GFI1: variants seen among roughly 807,000 people sequenced by gnomAD.
The protein encoded by GFI1 is growth factor independent 1 transcriptional repressor.
In GFI1, 15 loss-of-function variants were observed where a neutral mutation model predicts 39.2. The ratio of observed to expected loss-of-function variants is 0.38; its 90% CI spans 0.26 to 0.59. The LOEUF (loss-of-function observed/expected upper bound fraction) is 0.59. GFI1 is among the 20% of genes least tolerant of loss of function. GFI1 has a pLI of 0.62. For synonymous variants in GFI1, 239 were observed against 254.3 expected (o/e 0.94, Z 0.57); for missense variants, 475 against 574.0 (o/e 0.83, Z 1.76).
In GFI1 at chr1:92,483,719, G is replaced by C. The variant is rs558771685; in HGVS notation, c.-99-133C>G. On this transcript the variant is annotated intron_variant, in intron 1 of 6. Transcript: ENST00000294702. ...CCCACGGGAGGAGGGGCTTGACCCT[G>C]CTGCGCCGCGCTTACCAGGTGGCAC... is the stretch of plus-strand genomic sequence containing the variant. 6.7e-4 allele frequency: 371 copies of C among 552,248 alleles called. 1 individual carries two copies. The highest frequency in any genetic ancestry group is 1.1e-3 in the Non-Finnish European group (329 of 305,736). 34.2% of individuals were successfully genotyped at this position (552,248 alleles called of 1,614,324 possible). A position where few individuals can be genotyped will look rare whatever the true frequency, so the allele number is the denominator to read the frequency against.
At chr1:92,479,735 C>A (rs757480076) in intron 5 of GFI1, among the ~76,000 whole-genome samples, 3 of 152,152 alleles carry the variant, frequency 2.0e-5, no homozygotes, top group Non-Finnish European at 2.9e-5. Flanking sequence ...CGCCTGTAAT[C>A]CCAGCTACTT....
rs1404843455 is a variant in GFI1 at position 92,474,884 on chromosome 1, C to T, written c.*1145G>A. The T allele has an allele frequency of 1.3e-5, 2 of 152,544 alleles. No individual in the cohort carries two copies. Among genetic ancestry groups the T allele is most frequent in the South Asian group, 2.1e-4 (1 of 4,824 alleles). The allele number at this position is 152,544 out of a possible 1,614,324, so 9.4% of individuals were successfully genotyped here. On this transcript the variant is annotated 3_prime_UTR_variant, in exon 7 of 7. Coordinates refer to ENST00000294702, the MANE Select transcript of GFI1 (RefSeq NM_005263.5). ...TCATCAAAGTGAAAATACCACCTTT[C>T]CCCCCTCTATGGTACACATGGAGGG...
At chr1:92,483,326 T>C (rs1658369797) in intron 2 of GFI1, 47 bp downstream of exon 2, 2 of 1,040,664 alleles carry the variant, frequency 1.9e-6, no homozygotes, top group Non-Finnish European at 3.0e-6. Flanking sequence ...CGAGGTGCAG[T>C]AGGCATCCGG....
intron 1 of GFI1, among the ~76,000 whole-genome samples, chr1:92,485,832 T>A (rs1010548689): frequency 4.6e-5 from 7 of 152,240 alleles, no homozygotes; most frequent in African/African-American, 1.7e-4. Context: ...AGATTTCCAG[T>A]CACACTGCGC....
Position 92,474,261 on chromosome 1 carries a change from A to G in GFI1, c.*1768T>C, listed in dbSNP as rs1372479365. Among the ~76,000 whole-genome samples the G allele has an allele frequency of 6.6e-6, 1 of 152,232 alleles. No individual in the cohort carries two copies. Among genetic ancestry groups the G allele is most frequent in the Non-Finnish European group, 1.5e-5 (1 of 68,042 alleles). On this transcript the variant is annotated 3_prime_UTR_variant, in exon 7 of 7. Transcript: ENST00000294702. Reference sequence around the variant, plus strand: ...CAGTCTCCACAGAATCAAAGCGGTCAGGGTTGGACAGGAATGACAGAGCTG... The same window carrying G: ...CAGTCTCCACAGAATCAAAGCGGTCGGGGTTGGACAGGAATGACAGAGCTG...
chr1:92,486,698 T>G (rs1658543312), intron 1 of GFI1, 28 bp downstream of exon 1: 1 of 152,118 alleles, frequency 6.6e-6, no homozygotes, highest in African/African-American at 2.4e-5. Flanking sequence ...CACTTGGGGA[T>G]AAATACGCCC....
At position 92,483,547 on chromosome 1, in the gene GFI1, G is replaced by T; in HGVS notation, c.-60C>A. The T allele has an allele frequency of 2.1e-6, 2 of 963,824 alleles. No homozygotes were observed. Among genetic ancestry groups the T allele is most frequent in the Non-Finnish European group, 3.3e-6 (2 of 605,884 alleles). The allele number at this position is 963,824 out of a possible 1,614,324, so 59.7% of individuals were successfully genotyped here. Reference sequence around the variant, plus strand: ...GTCCCTGGAGCCGCTGTCACCCACGGTCACTCCGAGGGCTTGCTCAGCCCC... The same window carrying T: ...GTCCCTGGAGCCGCTGTCACCCACGTTCACTCCGAGGGCTTGCTCAGCCCC... On this transcript the variant is annotated 5_prime_UTR_variant, in exon 2 of 7. Transcript: ENST00000294702.
intron 2 of GFI1, 135 bp downstream of exon 2, chr1:92,483,238 A>G (rs1658365390): frequency 1.4e-6 from 1 of 733,012 alleles, no homozygotes; most frequent in East Asian, 2.7e-5. Context: ...ACCCGGAGGA[A>G]CCAGGACAGT....
intron 1 of GFI1, among the ~76,000 whole-genome samples, chr1:92,485,222 G>T (rs1034547743): frequency 6.6e-6 from 1 of 152,228 alleles, no homozygotes; most frequent in East Asian, 1.9e-4. Context: ...TCCCTCCGGG[G>T]TGGCTCCTAG....
At chr1:92,483,172 G>A in intron 2 of GFI1, 126 bp from the exon 3 acceptor site, 1 of 954,016 alleles carries the variant, frequency 1.0e-6, no homozygotes, top group Non-Finnish European at 1.5e-6. Context: ...ACCCCGGCCG[G>A]GAACCCTCTC....
In GFI1 at chr1:92,478,706, T is replaced by G; in HGVS notation, c.972A>C (p.Ser324=). The G allele has an allele frequency of 6.2e-7, 1 of 1,613,156 alleles. No homozygotes were observed. Residue 324 remains serine, a synonymous_variant, in exon 6 of 7, where the codon TCA becomes TCC. Coordinates refer to ENST00000294702, the MANE Select transcript of GFI1 (RefSeq NM_005263.5). ...CKICGKSFKR[S]STLSTHLLIH... ...TAAGCAGGTGTGTGGACAGTGTGGATGACCTCTTGAAGCTCTTCCCACAGA... is the reference window on the plus strand; with the variant it reads ...TAAGCAGGTGTGTGGACAGTGTGGAGGACCTCTTGAAGCTCTTCCCACAGA...
rs774569489 is a variant in GFI1 at position 92,481,064 on chromosome 1, G to C, written c.323C>G (p.Ser108Trp). The C allele has an allele frequency of 6.2e-7, 1 of 1,611,640 alleles. No homozygotes were observed. The highest frequency in any genetic ancestry group is 1.1e-5 in the South Asian group (1 of 91,002). The stretch of plus-strand genomic sequence containing the variant: ...GGGGAAGGGCTGGGCTTCGTCCAGC[G>C]ATGGGCACATTGACTTCTCCGAGGC... ...SPASEKSMCP[S>W]LDEAQPFPLP... The change falls in exon 4 of 7, where the codon TCG becomes TGG. Residue 108 changes from serine to tryptophan, a missense_variant. Around this residue, in one of 4 missense-constraint regions of GFI1, gnomAD observed 275 missense variants for 275.8 expected, o/e 1.00. Coordinates refer to ENST00000294702, the MANE Select transcript of GFI1 (RefSeq NM_005263.5). This position sits in a 1 kb window ranked among gnomAD's most constrained non-coding sequence, Gnocchi z 4.3.
In GFI1 at chr1:92,482,397, C is replaced by T. The variant is rs557110196; in HGVS notation, c.298+467G>A. Among the ~76,000 whole-genome samples, 1 of 135,970 alleles carries T rather than the reference C, an allele frequency of 7.4e-6. No individual in the cohort carries two copies. The highest frequency in any genetic ancestry group is 2.4e-4 in the East Asian group (1 of 4,152). 89.2% of individuals were successfully genotyped at this position (135,970 alleles called of 152,430 possible). On this transcript the variant is annotated intron_variant, in intron 3 of 6. Coordinates refer to ENST00000294702, the MANE Select transcript of GFI1 (RefSeq NM_005263.5). This position sits in a 1 kb window ranked among gnomAD's most constrained non-coding sequence, Gnocchi z 4.4. ...GCCCCCAATCTGCGCCTGTGAAGACCAAGCCGCGGGCTGAGATTTTCGTCC... is the reference window on the plus strand; with the variant it reads ...GCCCCCAATCTGCGCCTGTGAAGACTAAGCCGCGGGCTGAGATTTTCGTCC...
rs1465415089 is a variant in GFI1 at position 92,474,443 on chromosome 1, A to T, written c.*1586T>A. On this transcript the variant is annotated 3_prime_UTR_variant, in exon 7 of 7. Transcript: ENST00000294702. ...ATCTGGGAGCCTTCAGGCCCCTAAA[A>T]AAATATGTTGACATTTTCAGAGGAA... Among the ~76,000 whole-genome samples the T allele has an allele frequency of 6.6e-6, 1 of 152,168 alleles. No individual in the cohort carries two copies. Among genetic ancestry groups the T allele is most frequent in the Non-Finnish European group, 1.5e-5 (1 of 68,042 alleles).
chr1:92,475,462 TGAG>T lies in GFI1; in HGVS notation c.*564_*566del, dbSNP rs1415214612. The T allele has an allele frequency of 1.2e-5, 2 of 161,408 alleles. No homozygotes were observed. Among genetic ancestry groups the T allele is most frequent in the African/African-American group, 4.8e-5 (2 of 41,370 alleles). The allele number at this position is 161,408 out of a possible 1,614,324, so 10.0% of individuals were successfully genotyped here. A position where few individuals can be genotyped will look rare whatever the true frequency, so the allele number is the denominator to read the frequency against. On this transcript the variant is annotated 3_prime_UTR_variant, in exon 7 of 7. Transcript: ENST00000294702. The stretch of plus-strand genomic sequence containing the variant: ...CCAAGTCAGTTTCTGAATCAGTTTT[TGAG>T]GAGGAGAAATGATTCCTCCAAGATT...
chr1:92,480,897 G>C lies in GFI1; in HGVS notation c.490C>G (p.Pro164Ala). The C allele has an allele frequency of 6.5e-7, 1 of 1,543,836 alleles. No individual in the cohort carries two copies. Among genetic ancestry groups the C allele is most frequent in the Non-Finnish European group, 8.7e-7 (1 of 1,143,962 alleles). ...FCEPAPEPGH[P>A]AALYGPKRAA... ...CGCTTCGGGCCGTACAGCGCGGCCGGGTGGCCAGGCTCCGGGGCGGGTTCG... is the reference window on the plus strand; with the variant it reads ...CGCTTCGGGCCGTACAGCGCGGCCGCGTGGCCAGGCTCCGGGGCGGGTTCG... The change falls in exon 4 of 7, where the codon CCG (proline) becomes GCG (alanine). Residue 164 changes from proline (P) to alanine (A), a missense_variant. By Grantham distance (27) the Pro-to-Ala change is conservative. Transcript: ENST00000294702. The surrounding 1 kb of genome is among the most constrained non-coding windows in gnomAD (Gnocchi z 5.6).
chr1:92,482,992 G>A lies in GFI1; in HGVS notation c.170C>T (p.Pro57Leu), dbSNP rs567948686. The change falls in exon 3 of 7, where the codon CCC becomes CTC. Residue 57 changes from proline (P) to leucine (L), a missense_variant. Coordinates refer to ENST00000294702, the MANE Select transcript of GFI1 (RefSeq NM_005263.5). This position sits in a 1 kb window ranked among gnomAD's most constrained non-coding sequence, Gnocchi z 4.4. ...AKAEPRDRLS[P>L]ESQLTEAPDR... ...TGGGGCTTCGGTCAGCTGCGATTCG[G>A]GGGACAAACGGTCCCGGGGCTCCGC... is the stretch of plus-strand genomic sequence containing the variant. The A allele has an allele frequency of 4.3e-6, 7 of 1,610,236 alleles. No homozygotes were observed. The highest frequency in any genetic ancestry group is 1.7e-5 in the Admixed American group (1 of 59,926).
At position 92,478,757 on chromosome 1, in the gene GFI1, C is replaced by G. The variant is rs1290319376; in HGVS notation, c.925-4G>C. On this transcript the variant is annotated splice_region_variant and splice_polypyrimidine_tract_variant and intron_variant, in intron 5 of 6. Transcript: ENST00000294702. ...TCTTACAGTCAAAGCTCCGTTCCTG[C>G]AGAGAGAGAGAGAGAGAGAGAGAGA... 1.3e-6 allele frequency: 2 copies of G among 1,519,166 alleles called. No homozygotes were observed. The highest frequency in any genetic ancestry group is 2.4e-5 in the East Asian group (1 of 40,900). 94.1% of individuals were successfully genotyped at this position (1,519,166 alleles called of 1,614,324 possible). A position where few individuals can be genotyped will look rare whatever the true frequency, so the allele number is the denominator to read the frequency against.
chr1:92,474,157 C>T lies in GFI1; in HGVS notation c.*1872G>A, dbSNP rs1657849813. 6.6e-6 allele frequency among the ~76,000 whole-genome samples: 1 copy of T among 152,230 alleles called. No homozygotes were observed. The highest frequency in any genetic ancestry group is 1.9e-4 in the East Asian group (1 of 5,200). ...ACAGGTGGGACAGAACCAGAAATAA[C>T]CCAGATCCTCATGGGCCTTTAGATT... On this transcript the variant is annotated 3_prime_UTR_variant, in exon 7 of 7. Coordinates refer to ENST00000294702, the MANE Select transcript of GFI1 (RefSeq NM_005263.5).
Sources: allele counts gnomAD v4.1 joint callset (sites outside exome capture counted in the v4.1 genomes callset), GRCh38; gene constraint gnomAD v4.1.1; regional missense constraint gnomAD v4.1.1; non-coding constraint Gnocchi (gnomAD v3.1); transcripts MANE v1.5; gene names NCBI Gene and HGNC (gene_info 2026-07-23, HGNC 2026-07-21).